VAT1L: variants seen among roughly 807,000 people sequenced by gnomAD.
The protein encoded by VAT1L is vesicle amine transport 1 like.
A neutral mutation model predicts 44.1 loss-of-function variants in VAT1L; 34 were observed. The ratio of observed to expected loss-of-function variants is 0.77; its 90% confidence interval spans 0.59 to 1.03. VAT1L has a LOEUF of 1.03. Among genes scored for constraint, VAT1L ranks in the 50% least tolerant of loss-of-function variants. The pLI, the probability that VAT1L is intolerant of heterozygous loss-of-function variation, is 0.00. For missense variants in VAT1L, 615 were observed against 538.8 expected (o/e 1.14, Z -1.40); for synonymous variants, 253 against 202.2 (o/e 1.25, Z -2.13).
chr16:77,792,828 T>C (rs2015858212), intron 1 of VAT1L, among the ~76,000 whole-genome samples: 1 of 152,150 alleles, frequency 6.6e-6, no homozygotes, highest in African/African-American at 2.4e-5. Context: ...GAGCATCCAT[T>C]TTATAATAGC....
In VAT1L at chr16:77,884,760, G is replaced by C; in HGVS notation, c.1035G>C (p.Lys345Asn). The C allele has an allele frequency of 6.3e-7, 1 of 1,582,864 alleles. No individual in the cohort carries two copies. The highest frequency in any genetic ancestry group is 8.6e-7 in the Non-Finnish European group (1 of 1,165,502). Residue 345 changes from lysine (K) to asparagine (N), a missense_variant, in exon 7 of 9, where the codon AAG (lysine) becomes AAC (asparagine). Lys to Asn is a moderately conservative substitution (Grantham distance 94). Transcript: ENST00000302536. The surrounding 1 kb of genome is among the most constrained non-coding windows in gnomAD (Gnocchi z 4.5). ...AACTCATAGGGCTCTACAACCAGAA[G>C]AAGATCAAGCCTGTGGTGGACTCCT... ...VEKLIGLYNQ[K>N]KIKPVVDSLW...
chr16:77,890,475 C>T (rs1597085195), intron 7 of VAT1L, among the ~76,000 whole-genome samples: 1 of 152,116 alleles, frequency 6.6e-6, no homozygotes, highest in East Asian at 1.9e-4. Flanking sequence ...TCTCCTTTCC[C>T]TGAGGCCCAC....
At chr16:77,946,498 G>T (rs1322006139) in intron 7 of VAT1L, among the ~76,000 whole-genome samples, 2 of 151,566 alleles carry the variant, frequency 1.3e-5, no homozygotes, top group Non-Finnish European at 2.9e-5. Flanking sequence ...TAGCCAGCAT[G>T]ATCTCGATCT....
chr16:77,899,626 C>A (rs1043860135), intron 7 of VAT1L, among the ~76,000 whole-genome samples: 2 of 152,208 alleles, frequency 1.3e-5, no homozygotes, highest in Non-Finnish European at 2.9e-5. Flanking sequence ...GCTTCCCTAG[C>A]ACATTCACAT....
intron 7 of VAT1L, among the ~76,000 whole-genome samples, chr16:77,953,918 G>A (rs2018073309): frequency 6.6e-6 from 1 of 151,944 alleles, no homozygotes; most frequent in Non-Finnish European, 1.5e-5. Flanking sequence ...ATGCAACTTT[G>A]CTTCTGAGTT....
At chr16:77,871,129 T>C (rs1021653220) in intron 4 of VAT1L, among the ~76,000 whole-genome samples, 14 of 152,178 alleles carry the variant, frequency 9.2e-5, no homozygotes, top group African/African-American at 3.4e-4. Context: ...GCTGCTGGAA[T>C]GGTTTGACAG....
At chr16:77,834,689 A>G (rs182830333) in intron 3 of VAT1L, among the ~76,000 whole-genome samples, 1 of 152,140 alleles carries the variant, frequency 6.6e-6, no homozygotes, top group African/African-American at 2.4e-5. Context: ...GAAAAAAAAA[A>G]GAAGCTTCTC....
intron 7 of VAT1L, among the ~76,000 whole-genome samples, chr16:77,895,621 G>T (rs1258300244): frequency 6.6e-6 from 1 of 152,224 alleles, no homozygotes; most frequent in African/African-American, 2.4e-5. Context: ...TTGACACCTT[G>T]ATGTTAGCCC....
chr16:77,814,303 C>A (rs576554651), intron 1 of VAT1L, among the ~76,000 whole-genome samples: 1 of 152,284 alleles, frequency 6.6e-6, no homozygotes, highest in South Asian at 2.1e-4. Flanking sequence ...ACAATACTGA[C>A]CTGTCCTAGT....
In VAT1L at chr16:77,825,409, C is replaced by G. The variant is rs1321040702; in HGVS notation, c.527C>G (p.Ala176Gly). ...GCCTATGTGATGCTGTTTGAAGTTG[C>G]CAACCTCCGGGAAGGGATGTCTGTG... ...VTAYVMLFEV[A>G]NLREGMSVLV... is the part of the protein sequence containing the mutation. The change falls in exon 3 of 9, where the codon GCC (alanine) becomes GGC (glycine). Residue 176 changes from alanine (A) to glycine (G), a missense_variant. By Grantham distance (60) the Ala-to-Gly change is moderately conservative. Transcript: ENST00000302536. 5 of 1,611,076 alleles carry G rather than the reference C, an allele frequency of 3.1e-6. No individual in the cohort carries two copies. Among genetic ancestry groups the G allele is most frequent in the Non-Finnish European group, 4.2e-6 (5 of 1,178,542 alleles).
chr16:77,915,940 A>G (rs1337972536), intron 7 of VAT1L, among the ~76,000 whole-genome samples: 1 of 152,134 alleles, frequency 6.6e-6, no homozygotes, highest in Non-Finnish European at 1.5e-5. Context: ...GGCTAATCCT[A>G]CTGGGGCGCT....
intron 7 of VAT1L, among the ~76,000 whole-genome samples, chr16:77,908,520 A>G (rs1012458803): frequency 4.3e-4 from 65 of 150,904 alleles, no homozygotes; most frequent in African/African-American, 1.6e-3. Flanking sequence ...GATTACAGAT[A>G]ATAGGCCCTG....
intron 7 of VAT1L, among the ~76,000 whole-genome samples, chr16:77,938,588 C>G (rs1293749015): frequency 6.6e-6 from 1 of 152,088 alleles, no homozygotes; most frequent in Non-Finnish European, 1.5e-5. Flanking sequence ...CTTATTCTCT[C>G]TGTTGCTTCT....
chr16:77,811,656 C>T (rs184794985), intron 1 of VAT1L, among the ~76,000 whole-genome samples: 1 of 152,242 alleles, frequency 6.6e-6, no homozygotes, highest in African/African-American at 2.4e-5. Flanking sequence ...CCCTTAATAC[C>T]TAACATGTAG....
intron 7 of VAT1L, among the ~76,000 whole-genome samples, chr16:77,917,299 G>A (rs1298506461): frequency 6.6e-6 from 1 of 152,146 alleles, no homozygotes; most frequent in African/African-American, 2.4e-5. Flanking sequence ...AAGCCATCCT[G>A]AGCTCTAAGA....
intron 7 of VAT1L, among the ~76,000 whole-genome samples, chr16:77,939,572 A>C (rs1260163072): frequency 6.6e-6 from 1 of 152,148 alleles, no homozygotes; most frequent in African/African-American, 2.4e-5. Context: ...CTCTCCCTAA[A>C]TCCAGTAACC....
chr16:77,870,942 G>A (rs2017025048), intron 4 of VAT1L, among the ~76,000 whole-genome samples: 1 of 152,130 alleles, frequency 6.6e-6, no homozygotes, highest in Admixed American at 6.5e-5. Flanking sequence ...AACTGAGGCA[G>A]GGTCAGTCCC....
Position 77,884,470 on chromosome 16 carries a change from A to C in VAT1L, c.883-138A>C. On this transcript the variant is annotated intron_variant, in intron 6 of 8. Transcript: ENST00000302536. This position sits in a 1 kb window ranked among gnomAD's most constrained non-coding sequence, Gnocchi z 4.5. ...AATAAAAAAATACACCACCAAGAGC[A>C]ACCCCTTGGCCAGCTGGAATCTGCT... The C allele has an allele frequency of 3.0e-6, 2 of 674,684 alleles. No individual in the cohort carries two copies. The highest frequency in any genetic ancestry group is 2.5e-5 in the South Asian group (1 of 39,794). The allele number at this position is 674,684 out of a possible 1,614,324, so 41.8% of individuals were successfully genotyped here. A position where few individuals can be genotyped will look rare whatever the true frequency, so the allele number is the denominator to read the frequency against.
intron 3 of VAT1L, among the ~76,000 whole-genome samples, chr16:77,858,128 G>A (rs1045475414): frequency 6.6e-6 from 1 of 152,144 alleles, no homozygotes; most frequent in African/African-American, 2.4e-5. Context: ...CCCCCACAGA[G>A]CTCACAGATG....
Sources: gnomAD v4.1 joint callset for allele counts (sites outside exome capture counted in the v4.1 genomes callset) on GRCh38, gnomAD v4.1.1 for gene constraint, Gnocchi (gnomAD v3.1) non-coding constraint, MANE v1.5 for transcripts, NCBI Gene and HGNC (gene_info 2026-07-23, HGNC 2026-07-21) for gene names.